The following ZNF280B variants were observed in gnomAD, a reference collection of about 807,000 sequenced individuals.
ZNF280B encodes the protein zinc finger protein 280B.
Under a neutral mutation model 38.0 loss-of-function variants are expected in ZNF280B, and 16 were observed. That is an observed-to-expected ratio of 0.42 (90% CI 0.28 to 0.64). The LOEUF (loss-of-function observed/expected upper bound fraction) is 0.64, where lower values mean the gene tolerates loss of function less well. Ranked by LOEUF, ZNF280B falls within the 30% of genes least tolerant of loss-of-function variation. The pLI, the probability that ZNF280B is intolerant of heterozygous loss-of-function variation, is 0.21. For missense variants in ZNF280B, 581 were observed against 639.6 expected (o/e 0.91, Z 0.99); for synonymous variants, 253 against 230.6 (o/e 1.10, Z -0.88).
intron 2 of ZNF280B, among the ~76,000 whole-genome samples, chr22:22,495,493 A>C (rs1360103266): frequency 6.6e-6 from 1 of 152,002 alleles, no homozygotes. Flanking sequence ...TTCTCTGGTG[A>C]ACTGGAAGAT....
intron 2 of ZNF280B, among the ~76,000 whole-genome samples, chr22:22,506,292 A>G (rs1412676989): frequency 6.6e-6 from 1 of 151,734 alleles, no homozygotes; most frequent in Non-Finnish European, 1.5e-5. Context: ...CATGGAGATG[A>G]GAAGGAGCTG....
rs562133281 is a variant in ZNF280B at position 22,504,865 on chromosome 22, A to G, written c.-187+2945T>C. On this transcript the variant is annotated intron_variant, in intron 2 of 3. Coordinates refer to ENST00000626650, the MANE Select transcript of ZNF280B (RefSeq NM_080764.4). ...TGAGACGAATTTAAGAAGACCACTCATTCAATAAAAGTTTGGTGGGCCAAC... is the reference window on the plus strand; with the variant it reads ...TGAGACGAATTTAAGAAGACCACTCGTTCAATAAAAGTTTGGTGGGCCAAC... Among the ~76,000 whole-genome samples, 12 of 152,118 alleles carry G rather than the reference A, an allele frequency of 7.9e-5. No homozygotes were observed. The South Asian group carries it at 2.5e-3, about 32-fold the overall frequency.
intron 2 of ZNF280B, among the ~76,000 whole-genome samples, chr22:22,494,935 C>T (rs990534245): frequency 6.6e-6 from 1 of 151,894 alleles, no homozygotes; most frequent in Non-Finnish European, 1.5e-5. Context: ...ACCATGTTGG[C>T]CAGGCTGGTC....
rs2061650279 is a variant in ZNF280B, at chr22:22,494,102, G to A, written c.-108C>T. On this transcript the variant is annotated 5_prime_UTR_variant, in exon 3 of 4. Coordinates refer to ENST00000626650, the MANE Select transcript of ZNF280B (RefSeq NM_080764.4). ...CTGTCATGTGAGAACACAGCAAGAAGGCTGTCATCCACCAGCCAGGAAGAG... is the reference window on the plus strand; with the variant it reads ...CTGTCATGTGAGAACACAGCAAGAAAGCTGTCATCCACCAGCCAGGAAGAG... The A allele has an allele frequency of 6.6e-6, 1 of 151,978 alleles. No individual in the cohort carries two copies. The highest frequency in any genetic ancestry group is 2.4e-5 in the African/African-American group (1 of 41,390). 9.4% of individuals were successfully genotyped at this position (151,978 alleles called of 1,614,324 possible). A position where few individuals can be genotyped will look rare whatever the true frequency, so the allele number is the denominator to read the frequency against.
intron 2 of ZNF280B, among the ~76,000 whole-genome samples, chr22:22,498,992 G>A (rs1341005400): frequency 6.6e-6 from 1 of 151,058 alleles, no homozygotes; most frequent in African/African-American, 2.4e-5. Flanking sequence ...GTGGAGACGG[G>A]GTTTCACTGT....
intron 2 of ZNF280B, among the ~76,000 whole-genome samples, chr22:22,499,196 T>C (rs1249040184): frequency 6.6e-6 from 1 of 151,984 alleles, no homozygotes; most frequent in Non-Finnish European, 1.5e-5. Flanking sequence ...GTGGGATTTA[T>C]TTAAAAAATA....
At chr22:22,491,123 C>T (rs1159749737) in intron 3 of ZNF280B, among the ~76,000 whole-genome samples, 1 of 151,868 alleles carries the variant, frequency 6.6e-6, no homozygotes, top group Non-Finnish European at 1.5e-5. Flanking sequence ...CAGTGTCTGG[C>T]ACAGGACAGG....
intron 2 of ZNF280B, among the ~76,000 whole-genome samples, chr22:22,498,793 CTTTTTTT>C (rs60940298): frequency 2.4e-5 from 2 of 83,654 alleles, no homozygotes; most frequent in African/African-American, 1.0e-4. Flanking sequence ...GGCCAATATC[CTTTTTTT>C]TTTTTTTTTT....
chr22:22,501,154 T>C (rs1213859792), intron 2 of ZNF280B, among the ~76,000 whole-genome samples: 2 of 151,804 alleles, frequency 1.3e-5, no homozygotes, highest in African/African-American at 4.8e-5. Context: ...TTCTGCAAGA[T>C]GAAAAAGTTC....
At position 22,489,404 on chromosome 22, in the gene ZNF280B, A is replaced by C. The variant is rs574614636; in HGVS notation, c.-6T>G. 8.2e-6 allele frequency: 13 copies of C among 1,577,916 alleles called. No individual in the cohort carries two copies. The East Asian group carries it at 2.7e-4, about 33-fold the overall frequency. On this transcript the variant is annotated 5_prime_UTR_variant, in exon 4 of 4. It adds an upstream start codon to the 5' untranslated region. Coordinates refer to ENST00000626650, the MANE Select transcript of ZNF280B (RefSeq NM_080764.4). ...TCCTCACATGATTGTTCCATTTTCT[A>C]ATTTTTTTATTCCTGAATGGTGGGG...
intron 2 of ZNF280B, among the ~76,000 whole-genome samples, chr22:22,503,392 T>C (rs545356378): frequency 3.3e-5 from 5 of 152,088 alleles, no homozygotes; most frequent in African/African-American, 4.8e-5. Context: ...ATATGAACTA[T>C]ATTTCAAAGA....
chr22:22,500,767 G>T lies in ZNF280B; in HGVS notation c.-186-6587C>A, dbSNP rs540673041. 2.0e-5 allele frequency among the ~76,000 whole-genome samples: 3 copies of T among 151,934 alleles called. No individual in the cohort carries two copies. In the South Asian group the frequency reaches 6.2e-4, roughly 32 times the overall value. On this transcript the variant is annotated intron_variant, in intron 2 of 3. Transcript: ENST00000626650. ...CCAGCTACTTGGGAGGCTGAGGCAG[G>T]AGAATTGCTTGAACCCAGGAGGCGG...
chr22:22,495,092 C>T (rs2061668644), intron 2 of ZNF280B, among the ~76,000 whole-genome samples: 1 of 151,902 alleles, frequency 6.6e-6, no homozygotes, highest in East Asian at 2.0e-4. Flanking sequence ...TGAGGAAAGG[C>T]TTCCCCAAAC....
intron 2 of ZNF280B, among the ~76,000 whole-genome samples, chr22:22,504,659 T>A (rs867240984): frequency 6.6e-5 from 10 of 151,988 alleles, no homozygotes; most frequent in Admixed American, 2.0e-4. Context: ...TTTGATGTTC[T>A]GATGTTTGCT....
chr22:22,489,250 G>C lies in ZNF280B; in HGVS notation c.149C>G (p.Thr50Ser), dbSNP rs1268035842. 4 of 1,613,728 alleles carry C rather than the reference G, an allele frequency of 2.5e-6. No individual in the cohort carries two copies. ...EDAELIFVGV[T>S]SNSKPVVSNI... is the part of the protein sequence containing the mutation. The stretch of plus-strand genomic sequence containing the variant: ...TGAAACGACTGGTTTTGAATTTGAA[G>C]TCACCCCAACAAAGATTAGCTCAGC... The change falls in exon 4 of 4, where the codon ACT becomes AGT. Residue 50 changes from threonine to serine, a missense_variant. By Grantham distance (58) the Thr-to-Ser change is moderately conservative. Coordinates refer to ENST00000626650, the MANE Select transcript of ZNF280B (RefSeq NM_080764.4).
chr22:22,488,011 G>C lies in ZNF280B; in HGVS notation c.1388C>G (p.Ser463Cys), dbSNP rs200816739. 1.2e-6 allele frequency: 2 copies of C among 1,613,472 alleles called. No homozygotes were observed. The highest frequency in any genetic ancestry group is 1.7e-6 in the Non-Finnish European group (2 of 1,179,860). The change falls in exon 4 of 4, where the codon TCC becomes TGC. Residue 463 changes from serine (S) to cysteine (C), a missense_variant. Physicochemically the swap from Ser to Cys is moderately radical, Grantham distance 112. Coordinates refer to ENST00000626650, the MANE Select transcript of ZNF280B (RefSeq NM_080764.4). The part of the protein sequence containing the change: ...GHWGKSAHQC[S>C]KCRLQFLTFK... ...AGTTAAAAACTGTAGCCGGCACTTG[G>C]AACACTGGTGTGCACTCTTTCCCCA... is the stretch of plus-strand genomic sequence containing the variant.
rs1197474096 is a variant in ZNF280B at position 22,486,742 on chromosome 22, T to C, written c.*1025A>G. The stretch of plus-strand genomic sequence containing the variant: ...TTGAATGGTTTGGCTTCCTTGGATG[T>C]TTTCAGGTAGGTAAAGACACTCTGA... On this transcript the variant is annotated 3_prime_UTR_variant, in exon 4 of 4. Transcript: ENST00000626650. The C allele has an allele frequency of 6.6e-6, 1 of 151,952 alleles. No individual in the cohort carries two copies. The highest frequency in any genetic ancestry group is 2.4e-5 in the African/African-American group (1 of 41,366). 9.4% of individuals were successfully genotyped at this position (151,952 alleles called of 1,614,324 possible).
intron 2 of ZNF280B, among the ~76,000 whole-genome samples, chr22:22,500,535 G>GT (rs991678314): frequency 2.3e-4 from 35 of 151,790 alleles, no homozygotes; most frequent in Admixed American, 2.3e-3. Flanking sequence ...CCTATATGAG[G>GT]TAACTAAAAT....
intron 3 of ZNF280B, among the ~76,000 whole-genome samples, chr22:22,493,258 T>G (rs1466767890): frequency 6.6e-6 from 1 of 151,894 alleles, no homozygotes; most frequent in Non-Finnish European, 1.5e-5. Flanking sequence ...CTGCCTGCCT[T>G]GGCCTCCCAA....
Sources: allele counts gnomAD v4.1 joint callset (sites outside exome capture counted in the v4.1 genomes callset), GRCh38; gene constraint gnomAD v4.1.1; transcripts MANE v1.5; gene names NCBI Gene and HGNC (gene_info 2026-07-23, HGNC 2026-07-21).